The following MARCHF8 variants were observed in gnomAD, a reference collection of about 807,000 sequenced individuals.
MARCHF8 encodes the protein membrane associated ring-CH-type finger 8.
In MARCHF8, 40 loss-of-function variants were observed where a neutral mutation model predicts 51.6. The ratio of observed to expected loss-of-function variants is 0.77; its 90% CI spans 0.60 to 1.01. The LOEUF (loss-of-function observed/expected upper bound fraction) is 1.01, where lower values mean the gene tolerates loss of function less well. Among genes scored for constraint, MARCHF8 ranks in the 50% least tolerant of loss-of-function variants. MARCHF8 has a pLI of 0.00. For missense variants in MARCHF8, 685 were observed against 708.6 expected, an observed-to-expected ratio of 0.97 and a Z score of 0.38; for synonymous variants, 263 against 280.3, an observed-to-expected ratio of 0.94 and a Z score of 0.62.
chr10:45,570,969 G>A (rs949078596), intron 1 of MARCHF8, among the ~76,000 whole-genome samples: 4 of 152,052 alleles, frequency 2.6e-5, no homozygotes, highest in African/African-American at 7.2e-5. Flanking sequence ...TTTGTAATTC[G>A]AAAATTTCAA....
intron 1 of MARCHF8, among the ~76,000 whole-genome samples, chr10:45,559,926 G>A (rs371218947): frequency 9.9e-5 from 15 of 151,978 alleles, no homozygotes; most frequent in East Asian, 5.8e-4. Context: ...TATACATCAC[G>A]GCACCCTTCC....
At chr10:45,524,463 A>T (rs78913745) in intron 2 of MARCHF8, among the ~76,000 whole-genome samples, 9,390 of 152,240 alleles carry the variant, frequency 0.062, 333 homozygotes, top group Non-Finnish European at 0.066. Flanking sequence ...GGTATGAGAA[A>T]ATTAATCTCT....
intron 2 of MARCHF8, among the ~76,000 whole-genome samples, chr10:45,524,809 A>C (rs1290285646): frequency 4.7e-5 from 7 of 147,734 alleles, no homozygotes; most frequent in African/African-American, 7.4e-5. Flanking sequence ...CTGGTAGCCC[A>C]AAAAAAAAAG....
At chr10:45,555,679 G>T (rs985216246) in intron 1 of MARCHF8, among the ~76,000 whole-genome samples, 8 of 151,264 alleles carry the variant, frequency 5.3e-5, no homozygotes, top group African/African-American at 1.7e-4. Flanking sequence ...AGGAGGTTGA[G>T]GCTGCAATGA....
At chr10:45,564,593 T>G (rs999618349) in intron 1 of MARCHF8, among the ~76,000 whole-genome samples, 1 of 151,900 alleles carries the variant, frequency 6.6e-6, no homozygotes, top group Non-Finnish European at 1.5e-5. Flanking sequence ...AACCAAAAAC[T>G]TCCCAAATTT....
chr10:45,561,852 G>C (rs1428581248), intron 1 of MARCHF8, among the ~76,000 whole-genome samples: 1 of 136,470 alleles, frequency 7.3e-6, no homozygotes, highest in Non-Finnish European at 1.5e-5. Context: ...AGTGAGCCAA[G>C]ATGGAGCCTC....
At chr10:45,473,567 T>TGC (rs1233826763) in intron 3 of MARCHF8, among the ~76,000 whole-genome samples, 1 of 152,200 alleles carries the variant, frequency 6.6e-6, no homozygotes, top group African/African-American at 2.4e-5. Flanking sequence ...GTCTATGTAC[T>TGC]GCCCTTTTTG....
intron 1 of MARCHF8, among the ~76,000 whole-genome samples, chr10:45,580,583 T>TA (rs1300233769): frequency 9.9e-5 from 15 of 152,178 alleles, no homozygotes; most frequent in African/African-American, 3.6e-4. Context: ...TTCATATATG[T>TA]AAAAAATGTA....
At chr10:45,568,077 T>C (rs773945972) in intron 1 of MARCHF8, among the ~76,000 whole-genome samples, 11 of 152,204 alleles carry the variant, frequency 7.2e-5, no homozygotes, top group Non-Finnish European at 1.2e-4. Context: ...TTTCACATTG[T>C]TCACTGTTGA....
chr10:45,561,716 C>T (rs1362286550), intron 1 of MARCHF8, among the ~76,000 whole-genome samples: 5 of 150,166 alleles, frequency 3.3e-5, no homozygotes, highest in Non-Finnish European at 7.4e-5. Flanking sequence ...CTGGCTAACA[C>T]GGTGAAACCC....
rs184923460 is a variant in MARCHF8 at position 45,515,566 on chromosome 10, T to C, written c.102+17544A>G. The stretch of plus-strand genomic sequence containing the variant: ...TAAACTTCTAGTTCCTATTATACTA[T>C]TCCACAGTAGATAGGAATTCTCTTC... On this transcript the variant is annotated intron_variant, in intron 2 of 7. Coordinates refer to ENST00000453424, the MANE Select transcript of MARCHF8 (RefSeq NM_001282866.2). 1.1e-3 allele frequency among the ~76,000 whole-genome samples: 173 copies of C among 152,352 alleles called. 1 individual carries two copies. Among genetic ancestry groups the C allele is most frequent in the African/African-American group, 4.0e-3 (168 of 41,582 alleles).
At chr10:45,587,694 TATAG>T (rs1032350024) in intron 1 of MARCHF8, among the ~76,000 whole-genome samples, 79 of 152,006 alleles carry the variant, frequency 5.2e-4, no homozygotes, top group African/African-American at 1.9e-3. Flanking sequence ...CATATAAAGT[TATAG>T]ATAAAGATAA....
intron 6 of MARCHF8, among the ~76,000 whole-genome samples, chr10:45,460,195 A>G (rs562874668): frequency 2.6e-5 from 4 of 152,302 alleles, no homozygotes; most frequent in East Asian, 3.9e-4. Flanking sequence ...ATACAGAGTC[A>G]GTGCCTCAGT....
chr10:45,571,058 TTGATTCTAAAAGCCTA>T (rs1309106225), intron 1 of MARCHF8, among the ~76,000 whole-genome samples: 47 of 152,316 alleles, frequency 3.1e-4, no homozygotes, highest in African/African-American at 1.1e-3. Context: ...AATTAGGCTT[TTGATTCTAAAAGCCTA>T]TGAAATATAA....
At chr10:45,509,193 G>A (rs2043447009) in intron 2 of MARCHF8, among the ~76,000 whole-genome samples, 1 of 152,132 alleles carries the variant, frequency 6.6e-6, no homozygotes, top group African/African-American at 2.4e-5. Context: ...GAAGCCGATG[G>A]GTTGATAATA....
intron 2 of MARCHF8, among the ~76,000 whole-genome samples, chr10:45,489,710 A>G (rs1037654076): frequency 9.2e-5 from 14 of 152,220 alleles, no homozygotes; most frequent in Admixed American, 7.9e-4. Context: ...TAAGATGGTA[A>G]TAAGTGTCTT....
chr10:45,512,391 G>C (rs1022857959), intron 2 of MARCHF8, among the ~76,000 whole-genome samples: 1 of 149,236 alleles, frequency 6.7e-6, no homozygotes, highest in African/African-American at 2.5e-5. Context: ...GTCCAGGAGG[G>C]AGGTCGGGGG....
intron 2 of MARCHF8, among the ~76,000 whole-genome samples, chr10:45,493,036 A>C (rs2043113019): frequency 6.6e-6 from 1 of 152,230 alleles, no homozygotes; most frequent in Non-Finnish European, 1.5e-5. Context: ...AGGGACGCTC[A>C]ACGTGTATTA....
At chr10:45,521,104 T>C (rs2043698446) in intron 2 of MARCHF8, among the ~76,000 whole-genome samples, 1 of 152,350 alleles carries the variant, frequency 6.6e-6, no homozygotes, top group East Asian at 1.9e-4. Flanking sequence ...CACTCTGCTT[T>C]GCTTTTAAGG....
Sources: allele counts gnomAD v4.1 joint callset (sites outside exome capture counted in the v4.1 genomes callset), GRCh38; gene constraint gnomAD v4.1.1; transcripts MANE v1.5; gene names NCBI Gene and HGNC (gene_info 2026-07-23, HGNC 2026-07-21).